ACYP2: variants seen among roughly 807,000 people sequenced by gnomAD.
ACYP2 encodes the protein acylphosphatase-2.
A neutral mutation model predicts 11.2 loss-of-function variants in ACYP2; 12 were observed. That is an observed-to-expected ratio of 1.08 (90% CI 0.69 to 1.74). ACYP2 has a LOEUF of 1.74. ACYP2 is among the 40% of genes most tolerant of loss of function. ACYP2 has a pLI of 0.00. For synonymous variants in ACYP2, 43 were observed against 32.2 expected (o/e 1.33, Z -1.13); for missense variants, 134 against 101.9 (o/e 1.31, Z -1.35).
At chr2:54,128,723 T>G (rs987641194) in intron 4 of ACYP2, among the ~76,000 whole-genome samples, 1 of 152,076 alleles carries the variant, frequency 6.6e-6, no homozygotes, top group Non-Finnish European at 1.5e-5. Flanking sequence ...TTTTCCCCCC[T>G]TTTTTAAAAA....
chr2:54,063,719 A>T (rs185871345), intron 4 of ACYP2, among the ~76,000 whole-genome samples: 2 of 152,214 alleles, frequency 1.3e-5, no homozygotes, highest in Non-Finnish European at 2.9e-5. Flanking sequence ...GTTTCACTAT[A>T]GCTAGTTGGC....
At chr2:54,183,040 C>T (rs188858244) in intron 6 of ACYP2, among the ~76,000 whole-genome samples, 2 of 152,272 alleles carry the variant, frequency 1.3e-5, no homozygotes, top group South Asian at 2.1e-4. Flanking sequence ...AAACGGCCCA[C>T]GATCCTTATT....
At chr2:54,075,540 C>T (rs780883867) in intron 4 of ACYP2, among the ~76,000 whole-genome samples, 2 of 149,542 alleles carry the variant, frequency 1.3e-5, no homozygotes, top group Admixed American at 6.7e-5. Flanking sequence ...AGGGTGGACA[C>T]GGTGGTTCAT....
intron 2 of ACYP2, among the ~76,000 whole-genome samples, chr2:54,033,867 A>C (rs187157838): frequency 6.6e-6 from 1 of 152,344 alleles, no homozygotes; most frequent in Admixed American, 6.5e-5. Flanking sequence ...CTAGATTCTG[A>C]AAAGAGTTGG....
At chr2:54,143,737 T>G (rs1281736126) in intron 6 of ACYP2, among the ~76,000 whole-genome samples, 9 of 100,232 alleles carry the variant, frequency 9.0e-5, no homozygotes, top group African/African-American at 1.9e-4. Flanking sequence ...CAGCCGGTTT[T>G]TTTTTTTTTT....
intron 3 of ACYP2, chr2:54,051,437 T>C: frequency 1.4e-6 from 1 of 715,008 alleles, no homozygotes; most frequent in South Asian, 1.5e-5. Context: ...AAAATCTATA[T>C]CCCTCCTAAA....
chr2:54,195,647 A>AC (rs1684435399), intron 6 of ACYP2, among the ~76,000 whole-genome samples: 1 of 138,282 alleles, frequency 7.2e-6, no homozygotes, highest in Admixed American at 6.9e-5. Flanking sequence ...GCAAAAAAAA[A>AC]AAAACAAAAC....
intron 2 of ACYP2, among the ~76,000 whole-genome samples, chr2:54,003,817 A>G (rs952120318): frequency 1.3e-5 from 2 of 152,216 alleles, no homozygotes; most frequent in African/African-American, 2.4e-5. Flanking sequence ...CTGTCAAACC[A>G]TCTTCCAAAG....
chr2:54,063,676 G>A (rs1676586023), intron 4 of ACYP2, among the ~76,000 whole-genome samples: 1 of 152,360 alleles, frequency 6.6e-6, no homozygotes, highest in African/African-American at 2.4e-5. Context: ...ATGAGGGGGT[G>A]TTAAAGGATT....
At chr2:54,061,860 G>A (rs1676487719) in intron 4 of ACYP2, among the ~76,000 whole-genome samples, 1 of 152,108 alleles carries the variant, frequency 6.6e-6, no homozygotes, top group Non-Finnish European at 1.5e-5. Flanking sequence ...GATTGCTTGA[G>A]CCCAAGAGTT....
At chr2:54,025,071 A>G (rs186783080) in intron 2 of ACYP2, among the ~76,000 whole-genome samples, 84 of 152,302 alleles carry the variant, frequency 5.5e-4, no homozygotes, top group African/African-American at 1.9e-3. Flanking sequence ...GAAAACTACA[A>G]AACACTGCTG....
intron 6 of ACYP2, among the ~76,000 whole-genome samples, chr2:54,184,010 T>C (rs1683864395): frequency 2.0e-5 from 3 of 152,176 alleles, no homozygotes; most frequent in Admixed American, 2.0e-4. Flanking sequence ...AGCAAGATGA[T>C]AGATGCTCAA....
intron 6 of ACYP2, among the ~76,000 whole-genome samples, chr2:54,285,419 A>T (rs1335990779): frequency 6.6e-6 from 1 of 152,182 alleles, no homozygotes; most frequent in Non-Finnish European, 1.5e-5. Context: ...AGGTATTGCC[A>T]TCTAGCCCTG....
At chr2:54,111,132 G>C (rs1679439223) in intron 4 of ACYP2, among the ~76,000 whole-genome samples, 1 of 152,060 alleles carries the variant, frequency 6.6e-6, no homozygotes, top group Non-Finnish European at 1.5e-5. Context: ...AGCTGGGATG[G>C]GGCACTTAAT....
At chr2:54,099,361 A>G (rs563928620) in intron 4 of ACYP2, among the ~76,000 whole-genome samples, 9 of 152,300 alleles carry the variant, frequency 5.9e-5, no homozygotes, top group African/African-American at 1.4e-4. Context: ...TCACCATGCT[A>G]TACCGTAGAT....
intron 4 of ACYP2, 97 bp from the exon 2 acceptor site, chr2:54,135,356 A>T (rs1307656046): frequency 3.6e-6 from 4 of 1,121,612 alleles, no homozygotes; most frequent in Non-Finnish European, 5.2e-6. Flanking sequence ...GAAACCAAGG[A>T]TAAATGGGGA....
intron 6 of ACYP2, among the ~76,000 whole-genome samples, chr2:54,220,071 G>C (rs1685740302): frequency 6.6e-6 from 1 of 151,314 alleles, no homozygotes; most frequent in Non-Finnish European, 1.5e-5. Flanking sequence ...CAAAGCAGTT[G>C]ATTCTAAGGG....
intron 6 of ACYP2, among the ~76,000 whole-genome samples, chr2:54,295,749 C>G (rs1689495442): frequency 6.6e-6 from 1 of 152,054 alleles, no homozygotes; most frequent in African/African-American, 2.4e-5. Context: ...ATAGTAAGAC[C>G]TATCCTGCCA....
rs10542497 is a variant in ACYP2 at position 54,119,051 on chromosome 2, CTTTTTTTTTTTTTTT to C, written c.278-16384_278-16370del. 2.5e-3 allele frequency among the ~76,000 whole-genome samples: 111 copies of C among 43,780 alleles called. 1 individual carries two copies. The highest frequency in any genetic ancestry group is 7.1e-3 in the East Asian group (8 of 1,126). 28.7% of individuals were successfully genotyped at this position (43,780 alleles called of 152,430 possible). A position where few individuals can be genotyped will look rare whatever the true frequency, so the allele number is the denominator to read the frequency against. The stretch of plus-strand genomic sequence containing the variant: ...GAAGTGGGATTTGAATCTTAGTAGT[CTTTTTTTTTTTTTTT>C]TTTTTTTTTTTTTTTTTAACAGGGT... On this transcript the variant is annotated intron_variant, in intron 4 of 6. Transcript: ENST00000607452.
Sources: allele counts gnomAD v4.1 joint callset (sites outside exome capture counted in the v4.1 genomes callset), GRCh38; gene constraint gnomAD v4.1.1; transcripts MANE v1.5; gene names NCBI Gene and HGNC (gene_info 2026-07-23, HGNC 2026-07-21).